The following PRKX variants were observed in gnomAD, a reference collection of about 807,000 sequenced individuals.
PRKX encodes protein kinase cAMP-dependent X-linked catalytic subunit.
PRKX carries 12 observed loss-of-function variants against 22.0 expected under a neutral mutation model. The ratio of observed to expected loss-of-function variants is 0.54; its 90% confidence interval spans 0.35 to 0.88. The LOEUF is 0.88. Ranked by LOEUF, PRKX falls within the 40% of genes least tolerant of loss-of-function variation. PRKX has a pLI of 0.01. For synonymous variants in PRKX, 134 were observed against 137.7 expected, an observed-to-expected ratio of 0.97 and a Z score of 0.19; for missense variants, 217 against 308.0, an observed-to-expected ratio of 0.70 and a Z score of 2.21.
intron 2 of PRKX, among the ~76,000 whole-genome samples, chrX:3,662,694 CAAA>C (rs55726241): frequency 1.4e-4 from 6 of 44,268 alleles, no homozygotes; most frequent in Admixed American, 3.6e-4. Flanking sequence ...GACTCCATCT[CAAA>C]AAAAAAAAAA....
chrX:3,705,988 G>A (rs748339722), intron 1 of PRKX, among the ~76,000 whole-genome samples: 201 of 83,049 alleles, frequency 2.4e-3, no homozygotes, highest in African/African-American at 0.011. Context: ...CACCGCACCC[G>A]GCCGGTTTTT....
chrX:3,692,291 G>A (rs542017734), intron 1 of PRKX, among the ~76,000 whole-genome samples: 1 of 110,432 alleles, frequency 9.1e-6, no homozygotes. Context: ...CTCACCACAC[G>A]CCATCAGCAT....
At chrX:3,612,448 G>T in intron 7 of PRKX, 123 bp from the exon 8 acceptor site, 1 of 795,090 alleles carries the variant, frequency 1.3e-6, no homozygotes. Context: ...AAACACTAAA[G>T]CTGTCTTCCC....
chrX:3,712,670 A>T (rs1176547995), intron 1 of PRKX, among the ~76,000 whole-genome samples: 2 of 112,230 alleles, frequency 1.8e-5, no homozygotes, highest in East Asian at 5.7e-4. Context: ...AGGCTGGCCT[A>T]GGGGAGGCCT....
intron 3 of PRKX, among the ~76,000 whole-genome samples, chrX:3,644,890 C>T (rs189574344): frequency 7.2e-4 from 80 of 111,688 alleles, no homozygotes; most frequent in African/African-American, 2.6e-3. Context: ...TCTCCACTTA[C>T]CTTTTGAAAG....
chrX:3,711,542 C>T (rs758284373), intron 1 of PRKX, among the ~76,000 whole-genome samples: 4 of 112,147 alleles, frequency 3.6e-5, no homozygotes, highest in Non-Finnish European at 7.5e-5. Flanking sequence ...CATGTGGGTG[C>T]CCCAAAGAAT....
chrX:3,683,474 C>T (rs958075509), intron 1 of PRKX, among the ~76,000 whole-genome samples: 20 of 110,450 alleles, frequency 1.8e-4, no homozygotes, highest in East Asian at 1.2e-3. Context: ...ATGTCCACAA[C>T]GCAGAGCCGC....
chrX:3,695,853 C>T (rs1416080915), intron 1 of PRKX, among the ~76,000 whole-genome samples: 1 of 111,737 alleles, frequency 8.9e-6, no homozygotes, highest in African/African-American at 3.2e-5. Flanking sequence ...AGAAAGAGTG[C>T]CTCAGGTTTC....
At chrX:3,621,475 C>T (rs1926556385) in intron 5 of PRKX, among the ~76,000 whole-genome samples, 159 bp from the exon 6 acceptor site, 1 of 112,467 alleles carries the variant, frequency 8.9e-6, no homozygotes, top group African/African-American at 3.2e-5. Context: ...TTCCTACCAT[C>T]ACCGGCTCTT....
intron 2 of PRKX, among the ~76,000 whole-genome samples, chrX:3,660,502 C>A (rs1295489985): frequency 1.8e-5 from 2 of 111,670 alleles, no homozygotes; most frequent in East Asian, 2.8e-4. Context: ...AACACACTCT[C>A]TCTCTCTCTA....
At chrX:3,672,148 T>C (rs1275802971) in intron 2 of PRKX, among the ~76,000 whole-genome samples, 1 of 110,508 alleles carries the variant, frequency 9.0e-6, no homozygotes, top group Non-Finnish European at 1.9e-5. Flanking sequence ...TGAGCTGTGA[T>C]TGCACCATTG....
chrX:3,622,464 G>A (rs945728038), intron 5 of PRKX, among the ~76,000 whole-genome samples: 2 of 111,174 alleles, frequency 1.8e-5, no homozygotes, highest in Non-Finnish European at 3.8e-5. Context: ...TAAGTAGCAC[G>A]AACTTGGACT....
At chrX:3,706,018 A>AAC (rs1367248053) in intron 1 of PRKX, among the ~76,000 whole-genome samples, 1 of 101,139 alleles carries the variant, frequency 9.9e-6, no homozygotes, top group African/African-American at 3.8e-5. Context: ...AAAAAAAAAA[A>AAC]CCACAATGTC....
chrX:3,710,523 C>T (rs774993556), intron 1 of PRKX, among the ~76,000 whole-genome samples: 5 of 111,440 alleles, frequency 4.5e-5, no homozygotes, highest in Non-Finnish European at 9.4e-5. Flanking sequence ...AGGCGCCCGC[C>T]ACCACGCCCG....
intron 1 of PRKX, among the ~76,000 whole-genome samples, chrX:3,691,299 A>C (rs1928319561): frequency 9.0e-6 from 1 of 111,433 alleles, no homozygotes; most frequent in Admixed American, 9.6e-5. Flanking sequence ...GTGACTTTAC[A>C]GCTGCACTAG....
rs760284077 is a variant in PRKX, at chrX:3,709,542, C to T, written c.166+3546G>A. On this transcript the variant is annotated intron_variant, in intron 1 of 8. Transcript: ENST00000262848. ...GGCCACTGGTTTACCTGTTGAATTA[C>T]CTCCTTCCTGACAGGTTAACACTTG... Among the ~76,000 whole-genome samples, 31 of 111,369 alleles carry T rather than the reference C, an allele frequency of 2.8e-4. No homozygotes were observed. The East Asian group carries it at 7.9e-3, about 28-fold the overall frequency.
rs138931786 is a variant in PRKX, at chrX:3,694,727, C to T, written c.166+18361G>A. Among the ~76,000 whole-genome samples the T allele has an allele frequency of 1.9e-3, 217 of 111,903 alleles. 2 individuals are homozygous for T. The highest frequency in any genetic ancestry group is 6.5e-3 in the African/African-American group (199 of 30,845). ...TAAGCTAGGGATCTTGAGATGAGAT[C>T]GCGCTGGAAAAGGGTGGGCCCTAAA... On this transcript the variant is annotated intron_variant, in intron 1 of 8. Coordinates refer to ENST00000262848, the MANE Select transcript of PRKX (RefSeq NM_005044.5).
rs769003546 is a variant in PRKX, at chrX:3,692,204, G to A, written c.167-17438C>T. On this transcript the variant is annotated intron_variant, in intron 1 of 8. Coordinates refer to ENST00000262848, the MANE Select transcript of PRKX (RefSeq NM_005044.5). ...CAGGTTCTCTCAGCCTAGCACTGCC[G>A]ACATTTGAGGCTGGATGATTCTCTG... Among the ~76,000 whole-genome samples, 4 of 109,247 alleles carry A rather than the reference G, an allele frequency of 3.7e-5. No homozygotes were observed. In the East Asian group the frequency reaches 1.2e-3, roughly 32 times the overall value. The allele number at this position is 109,247 out of a possible 115,157, so 94.9% of individuals were successfully genotyped here.
At chrX:3,634,109 G>C (rs998605375) in intron 4 of PRKX, among the ~76,000 whole-genome samples, 1 of 109,709 alleles carries the variant, frequency 9.1e-6, no homozygotes, top group Non-Finnish European at 1.9e-5. Context: ...AATTAGCCAG[G>C]CACGGTGGCA....
Sources: allele counts gnomAD v4.1 joint callset (sites outside exome capture counted in the v4.1 genomes callset), GRCh38; gene constraint gnomAD v4.1.1; transcripts MANE v1.5; gene names NCBI Gene and HGNC (gene_info 2026-07-23, HGNC 2026-07-21).